MED15: variants seen among roughly 807,000 people sequenced by gnomAD.
MED15 encodes the protein mediator of RNA polymerase II transcription subunit 15.
MED15 carries 41 observed loss-of-function variants against 118.7 expected under a neutral mutation model. The observed-to-expected ratio is 0.35, with a 90% CI of 0.27 to 0.45. The LOEUF (loss-of-function observed/expected upper bound fraction) is 0.45. Ranked by LOEUF, MED15 falls within the 20% of genes least tolerant of loss-of-function variation. The probability of loss-of-function intolerance (pLI) is 1.00; values close to 1 mark genes in which losing one functional copy is unlikely to be tolerated. For missense variants in MED15, 740 were observed against 1,025.5 expected (o/e 0.72, Z 3.80); for synonymous variants, 436 against 413.9 (o/e 1.05, Z -0.65).
intron 5 of MED15, 115 bp downstream of exon 5, chr22:20,555,263 GT>G: frequency 2.6e-6 from 3 of 1,138,426 alleles, no homozygotes; most frequent in Non-Finnish European, 3.6e-6. Context: ...AATCGCTCTG[GT>G]TTTTTTGTTT....
intron 1 of MED15, among the ~76,000 whole-genome samples, chr22:20,511,956 C>T (rs1210086708): frequency 1.4e-5 from 2 of 140,842 alleles, no homozygotes; most frequent in Non-Finnish European, 3.1e-5. Context: ...GTTCTGACCT[C>T]TCTGGTCTTT....
Position 20,583,713 on chromosome 22 carries a change from G to A in MED15, c.1736+320G>A, listed in dbSNP as rs2057055861. On this transcript the variant is annotated intron_variant, in intron 13 of 17. Transcript: ENST00000263205. ...CATCAGCTGGCCCAGATGGGCCTGA[G>A]CCTGACCTGGAGTTCTGCCCCTGAC... The A allele has an allele frequency of 2.0e-5, 7 of 357,592 alleles. No individual in the cohort carries two copies. The South Asian group carries it at 2.5e-4, about 13-fold the overall frequency. The allele number at this position is 357,592 out of a possible 1,614,324, so 22.2% of individuals were successfully genotyped here. A position where few individuals can be genotyped will look rare whatever the true frequency, so the allele number is the denominator to read the frequency against.
chr22:20,547,948 G>A (rs951309086), intron 2 of MED15, among the ~76,000 whole-genome samples: 3 of 152,106 alleles, frequency 2.0e-5, no homozygotes, highest in African/African-American at 7.2e-5. Flanking sequence ...TGCAGTGAGC[G>A]ATGATCGCGT....
Position 20,518,803 on chromosome 22 carries a change from A to G in MED15, c.68+11057A>G, listed in dbSNP as rs2054341727. 4 of 444,980 alleles carry G rather than the reference A, an allele frequency of 9.0e-6. No homozygotes were observed. In the Admixed American group the frequency reaches 9.6e-5, roughly 11 times the overall value. The allele number at this position is 444,980 out of a possible 1,614,324, so 27.6% of individuals were successfully genotyped here. A position where few individuals can be genotyped will look rare whatever the true frequency, so the allele number is the denominator to read the frequency against. On this transcript the variant is annotated intron_variant, in intron 1 of 17. Coordinates refer to ENST00000263205, the MANE Select transcript of MED15 (RefSeq NM_001003891.3). Reference sequence around the variant, plus strand: ...AACCGTTCTGAACTTCTCATTTTGAACTTTTTTCCCTCACAGCTTGTGATG... The same window carrying G: ...AACCGTTCTGAACTTCTCATTTTGAGCTTTTTTCCCTCACAGCTTGTGATG...
Position 20,566,604 on chromosome 22 carries a change from G to A in MED15, c.828G>A (p.Gln276=), listed in dbSNP as rs967252241. 1.9e-6 allele frequency: 3 copies of A among 1,613,842 alleles called. No homozygotes were observed. The African/African-American group carries it at 4.0e-5, about 22-fold the overall frequency. The change falls in exon 7 of 18, where the codon CAG becomes CAA. Residue 276 remains glutamine, a synonymous_variant. Coordinates refer to ENST00000263205, the MANE Select transcript of MED15 (RefSeq NM_001003891.3). ...CACCAATTCAGCAGCCACCGATGCA[G>A]CAGCCACAGCCTCCGCCCTCCCAGG... The part of the protein sequence containing the change: ...AQPPIQQPPM[Q]QPQPPPSQAL...
At chr22:20,517,475 C>T (rs865783531) in intron 1 of MED15, among the ~76,000 whole-genome samples, 3 of 152,170 alleles carry the variant, frequency 2.0e-5, no homozygotes, top group Non-Finnish European at 2.9e-5. Context: ...GCAGTGCAGC[C>T]GTTCTCCAAG....
rs2057084432 is a variant in MED15, at chr22:20,584,770, G to A, written c.1804-85G>A. The A allele has an allele frequency of 5.3e-6, 8 of 1,517,580 alleles. No homozygotes were observed. In the South Asian group the frequency reaches 5.8e-5, roughly 11 times the overall value. 94.0% of individuals were successfully genotyped at this position (1,517,580 alleles called of 1,614,324 possible). ...AGAGGCCTCGGGAATCTGACTGTGA[G>A]TGACCATGGGCCTGGGGTGTGAAGG... On this transcript the variant is annotated intron_variant, in intron 14 of 17. Transcript: ENST00000263205.
Position 20,586,857 on chromosome 22 carries a change from C to T in MED15, c.*153C>T. 8.3e-7 allele frequency: 1 copy of T among 1,209,048 alleles called. No individual in the cohort carries two copies. Among genetic ancestry groups the T allele is most frequent in the East Asian group, 2.6e-5 (1 of 38,980 alleles). 74.9% of individuals were successfully genotyped at this position (1,209,048 alleles called of 1,614,324 possible). On this transcript the variant is annotated 3_prime_UTR_variant, in exon 18 of 18. Transcript: ENST00000263205. ...CCTTGGGGACCTGCCAAACGAAATC[C>T]CACACCTGTACAGAACTGGGATAGG...
chr22:20,551,983 C>T (rs551389734), intron 3 of MED15, among the ~76,000 whole-genome samples: 1 of 152,324 alleles, frequency 6.6e-6, no homozygotes, highest in African/African-American at 2.4e-5. Context: ...CGTTGTGCCT[C>T]CTCTGATTCA....
At chr22:20,533,241 C>G (rs1013951729) in intron 1 of MED15, among the ~76,000 whole-genome samples, 1 of 152,068 alleles carries the variant, frequency 6.6e-6, no homozygotes, top group Non-Finnish European at 1.5e-5. Flanking sequence ...GAAATGGGTA[C>G]CCTCCTGGAG....
At position 20,553,800 on chromosome 22, in the gene MED15, G is replaced by A. The variant is rs935089207; in HGVS notation, c.238+626G>A. On this transcript the variant is annotated intron_variant, in intron 4 of 17. Transcript: ENST00000263205. ...GCATGAGAATCGCTTGAACCTGGGA[G>A]GCTGAGGTTGCAGTGAGTTGAGATC... 3.9e-5 allele frequency among the ~76,000 whole-genome samples: 6 copies of A among 152,200 alleles called. 2 individuals carry two copies. The South Asian group carries it at 1.2e-3, about 32-fold the overall frequency.
chr22:20,533,381 T>A (rs922096494), intron 1 of MED15, among the ~76,000 whole-genome samples: 1 of 152,238 alleles, frequency 6.6e-6, no homozygotes, highest in African/African-American at 2.4e-5. Context: ...GTCTCTATTT[T>A]GTGACACTTG....
At chr22:20,515,476 T>C (rs1451551466) in intron 1 of MED15, among the ~76,000 whole-genome samples, 1 of 151,204 alleles carries the variant, frequency 6.6e-6, no homozygotes, top group Non-Finnish European at 1.5e-5. Flanking sequence ...AAAAAAAAAA[T>C]TGCCAAAAAA....
rs1342010243 is a variant in MED15, at chr22:20,518,493, A to G, written c.68+10747A>G. 3.3e-5 allele frequency among the ~76,000 whole-genome samples: 5 copies of G among 152,130 alleles called. No homozygotes were observed. In the East Asian group the frequency reaches 9.6e-4, roughly 29 times the overall value. ...CTGGTGAAGCTTTGACCTTGGCTTC[A>G]TCCCCTCCAGATGACCCCTGATGGT... On this transcript the variant is annotated intron_variant, in intron 1 of 17. Transcript: ENST00000263205.
At chr22:20,579,536 C>T (rs1042238150) in intron 9 of MED15, among the ~76,000 whole-genome samples, 2 of 140,932 alleles carry the variant, frequency 1.4e-5, no homozygotes, top group Non-Finnish European at 3.1e-5. Flanking sequence ...TATGTGGGGG[C>T]GGGGGTGGGG....
chr22:20,578,568 G>A (rs1466311367), intron 9 of MED15, among the ~76,000 whole-genome samples: 1 of 152,206 alleles, frequency 6.6e-6, no homozygotes, highest in African/African-American at 2.4e-5. Context: ...CTCTGCTTTT[G>A]TGTCAGTATC....
chr22:20,521,833 C>A (rs141945885), intron 1 of MED15, among the ~76,000 whole-genome samples: 6 of 151,750 alleles, frequency 4.0e-5, no homozygotes, highest in African/African-American at 1.5e-4. Flanking sequence ...TCACATGATT[C>A]TCCCACCTCG....
intron 1 of MED15, among the ~76,000 whole-genome samples, chr22:20,517,739 T>C (rs1242004683): frequency 6.6e-6 from 1 of 152,176 alleles, no homozygotes; most frequent in East Asian, 1.9e-4. Context: ...CCATTTCAGC[T>C]GCTATGGTGA....
At chr22:20,562,147 C>G (rs1337636140) in intron 5 of MED15, among the ~76,000 whole-genome samples, 1 of 151,720 alleles carries the variant, frequency 6.6e-6, no homozygotes, top group Non-Finnish European at 1.5e-5. Context: ...GGTGACAGAG[C>G]AAAATCCCGT....
Sources: gnomAD v4.1 joint callset for allele counts (sites outside exome capture counted in the v4.1 genomes callset) on GRCh38, gnomAD v4.1.1 for gene constraint, MANE v1.5 for transcripts, NCBI Gene and HGNC (gene_info 2026-07-23, HGNC 2026-07-21) for gene names.